Variants in SLC10A7 observed in about 807,000 individuals in gnomAD.
SLC10A7 encodes the protein sodium/bile acid cotransporter 7.
A neutral mutation model predicts 43.2 loss-of-function variants in SLC10A7; 29 were observed. The observed-to-expected ratio is 0.67, with a 90% CI of 0.50 to 0.92. The LOEUF (loss-of-function observed/expected upper bound fraction) is 0.92, where lower values mean the gene tolerates loss of function less well. SLC10A7 is among the 40% of genes least tolerant of loss of function. The probability of loss-of-function intolerance (pLI) is 0.00; values close to 1 mark genes in which losing one functional copy is unlikely to be tolerated. For synonymous variants in SLC10A7, 152 were observed against 144.8 expected, an observed-to-expected ratio of 1.05 and a Z score of -0.35; for missense variants, 295 against 403.2, an observed-to-expected ratio of 0.73 and a Z score of 2.30.
chr4:146,272,647 T>C (rs2111059493), intron 10 of SLC10A7, among the ~76,000 whole-genome samples: 1 of 152,294 alleles, frequency 6.6e-6, no homozygotes, highest in East Asian at 1.9e-4. Flanking sequence ...GATGCAACTC[T>C]GAAAGGACAA....
intron 9 of SLC10A7, among the ~76,000 whole-genome samples, chr4:146,283,526 G>C (rs1485936272): frequency 6.6e-6 from 1 of 152,022 alleles, no homozygotes; most frequent in African/African-American, 2.4e-5. Context: ...TCAGCCCCTG[G>C]AGCAGGACTG....
At chr4:146,516,503 C>T (rs1186867502) in intron 2 of SLC10A7, among the ~76,000 whole-genome samples, 1 of 146,606 alleles carries the variant, frequency 6.8e-6, no homozygotes, top group East Asian at 2.0e-4. Flanking sequence ...TATACATATA[C>T]ACATACATAT....
intron 4 of SLC10A7, among the ~76,000 whole-genome samples, chr4:146,463,514 G>A (rs537822676): frequency 2.0e-5 from 3 of 152,090 alleles, no homozygotes; most frequent in Non-Finnish European, 4.4e-5. Flanking sequence ...GCCGAGGTAG[G>A]AGGATTTTTT....
At chr4:146,265,350 C>G in intron 10 of SLC10A7, among the ~76,000 whole-genome samples, 1 of 152,362 alleles carries the variant, frequency 6.6e-6, no homozygotes, top group Non-Finnish European at 1.5e-5. Context: ...ATTGCTATCA[C>G]TGGCTCAGGG....
At chr4:146,377,463 C>T (rs1464829333) in intron 5 of SLC10A7, among the ~76,000 whole-genome samples, 1 of 152,312 alleles carries the variant, frequency 6.6e-6, no homozygotes, top group East Asian at 1.9e-4. Flanking sequence ...AAGCACTCAC[C>T]CCAGCCCTGG....
intron 5 of SLC10A7, among the ~76,000 whole-genome samples, chr4:146,357,263 T>G (rs1235462525): frequency 6.6e-6 from 1 of 152,238 alleles, no homozygotes; most frequent in African/African-American, 2.4e-5. Flanking sequence ...TTCCTTATTT[T>G]TAAGTGGAAA....
At chr4:146,502,509 C>A (rs1329276631) in intron 4 of SLC10A7, among the ~76,000 whole-genome samples, 2 of 152,058 alleles carry the variant, frequency 1.3e-5, no homozygotes, top group Non-Finnish European at 2.9e-5. Context: ...GGATGATATA[C>A]CCATTCCACT....
At chr4:146,469,594 A>G (rs923676393) in intron 4 of SLC10A7, among the ~76,000 whole-genome samples, 2 of 152,166 alleles carry the variant, frequency 1.3e-5, no homozygotes, top group African/African-American at 4.8e-5. Flanking sequence ...GAACATTTCA[A>G]CCTATAAAGG....
chr4:146,301,871 A>G (rs1731183728), intron 7 of SLC10A7, among the ~76,000 whole-genome samples: 1 of 151,764 alleles, frequency 6.6e-6, no homozygotes, highest in Non-Finnish European at 1.5e-5. Context: ...AGAGTCATCA[A>G]AGAACTGTGG....
At chr4:146,267,693 C>T (rs1728647479) in intron 10 of SLC10A7, among the ~76,000 whole-genome samples, 1 of 152,128 alleles carries the variant, frequency 6.6e-6, no homozygotes, top group Non-Finnish European at 1.5e-5. Flanking sequence ...TTATGAGACA[C>T]ATAAGAGAAC....
At chr4:146,340,036 G>C (rs540769128) in intron 5 of SLC10A7, among the ~76,000 whole-genome samples, 3 of 151,402 alleles carry the variant, frequency 2.0e-5, no homozygotes, top group Non-Finnish European at 4.4e-5. Flanking sequence ...TTAAATATCA[G>C]TAGTTGCTTC....
intron 5 of SLC10A7, among the ~76,000 whole-genome samples, chr4:146,377,322 G>T (rs1737277051): frequency 6.6e-6 from 1 of 152,182 alleles, no homozygotes; most frequent in Non-Finnish European, 1.5e-5. Context: ...TACCAAGAGG[G>T]CAGGATGTAA....
chr4:146,300,762 T>A (rs1731104070), intron 7 of SLC10A7, among the ~76,000 whole-genome samples: 1 of 152,216 alleles, frequency 6.6e-6, no homozygotes, highest in Non-Finnish European at 1.5e-5. Flanking sequence ...TGAACTGGTA[T>A]CCTTAAAAAA....
chr4:146,352,197 C>G lies in SLC10A7; in HGVS notation c.436-26201G>C, dbSNP rs1435243326. On this transcript the variant is annotated intron_variant, in intron 5 of 11. Coordinates refer to ENST00000335472, the MANE Select transcript of SLC10A7 (RefSeq NM_001029998.6). Reference sequence around the variant, plus strand: ...AATAAAAGGATGGAGGAAGATCTACCAAGCCAATGGAAAACAAAAAAAGGC... The same window carrying G: ...AATAAAAGGATGGAGGAAGATCTACGAAGCCAATGGAAAACAAAAAAAGGC... Among the ~76,000 whole-genome samples the G allele has an allele frequency of 2.8e-5, 3 of 105,280 alleles. No individual in the cohort carries two copies. The East Asian group carries it at 7.1e-4, about 25-fold the overall frequency. 69.1% of individuals were successfully genotyped at this position (105,280 alleles called of 152,430 possible).
intron 6 of SLC10A7, among the ~76,000 whole-genome samples, chr4:146,317,133 T>C (rs2149695570): frequency 6.6e-6 from 1 of 152,208 alleles, no homozygotes; most frequent in East Asian, 1.9e-4. Flanking sequence ...ACTCAGTTCC[T>C]TCAAAGTGGC....
At chr4:146,273,581 G>A (rs981420034) in intron 10 of SLC10A7, among the ~76,000 whole-genome samples, 3 of 152,088 alleles carry the variant, frequency 2.0e-5, no homozygotes, top group Non-Finnish European at 4.4e-5. Flanking sequence ...CATAGAGTGA[G>A]CATCCCCAAA....
intron 5 of SLC10A7, among the ~76,000 whole-genome samples, chr4:146,385,103 C>T (rs1481336818): frequency 6.6e-6 from 1 of 151,938 alleles, no homozygotes; most frequent in African/African-American, 2.4e-5. Context: ...TTTCTCTTCC[C>T]CTCAAATACA....
intron 4 of SLC10A7, among the ~76,000 whole-genome samples, chr4:146,469,927 C>T (rs781672235): frequency 6.6e-6 from 1 of 152,156 alleles, no homozygotes; most frequent in Non-Finnish European, 1.5e-5. Context: ...AGTCACCACA[C>T]CCAGCCCAAA....
At chr4:146,467,086 G>A (rs939412090) in intron 4 of SLC10A7, among the ~76,000 whole-genome samples, 2 of 152,086 alleles carry the variant, frequency 1.3e-5, no homozygotes, top group Middle Eastern at 3.2e-3. Flanking sequence ...GCTAAAAGCC[G>A]GAATTACTTG....
Sources: allele counts gnomAD v4.1 joint callset (sites outside exome capture counted in the v4.1 genomes callset), GRCh38; gene constraint gnomAD v4.1.1; transcripts MANE v1.5; gene names NCBI Gene and HGNC (gene_info 2026-07-23, HGNC 2026-07-21).